The following VPS13C variants were observed in gnomAD, a reference collection of about 807,000 sequenced individuals.
The protein encoded by VPS13C is vacuolar protein sorting 13 homolog C, also known as intermembrane lipid transfer protein VPS13C.
In VPS13C, 358 loss-of-function variants were observed where a neutral mutation model predicts 456.8. The ratio of observed to expected loss-of-function variants is 0.78; its 90% CI spans 0.72 to 0.86. The LOEUF (loss-of-function observed/expected upper bound fraction) is 0.86. Ranked by LOEUF, VPS13C falls within the 40% of genes least tolerant of loss-of-function variation. VPS13C has a pLI of 0.00. For synonymous variants in VPS13C, 1,578 were observed against 1,486.7 expected, an observed-to-expected ratio of 1.06 and a Z score of -1.41; for missense variants, 4,818 against 4,385.4, an observed-to-expected ratio of 1.10 and a Z score of -2.79.
chr15:61,966,285 A>C (rs2045374304), intron 29 of VPS13C, 143 bp from the exon 30 acceptor site: 2 of 480,582 alleles, frequency 4.2e-6, no homozygotes, highest in African/African-American at 4.0e-5. Flanking sequence ...CATTATTTTA[A>C]ATTTACATCC....
Position 61,911,966 on chromosome 15 carries a change from T to C in VPS13C, c.8589A>G (p.Ser2863=). 1 of 1,611,030 alleles carries C rather than the reference T, an allele frequency of 6.2e-7. No homozygotes were observed. Among genetic ancestry groups the C allele is most frequent in the Non-Finnish European group, 8.5e-7 (1 of 1,178,480 alleles). ...AAAAGGGAGTCAGGGTAACTATTCG[T>C]GAAAGGTTGAAACTGCTCATTTTGA... ...VSIKMSSFNL[S]RIVTLTPFCT... is the part of the protein sequence containing the mutation. Residue 2863 remains serine, a synonymous_variant, in exon 63 of 85, where the codon TCA becomes TCG. Transcript: ENST00000644861.
At position 61,867,344 on chromosome 15, in the gene VPS13C, A is replaced by C; in HGVS notation, c.10863+1315T>G. The C allele has an allele frequency of 1.0e-6, 1 of 985,352 alleles. No homozygotes were observed. Among genetic ancestry groups the C allele is most frequent in the South Asian group, 4.7e-5 (1 of 21,292 alleles). 61.0% of individuals were successfully genotyped at this position (985,352 alleles called of 1,614,324 possible). Reference sequence around the variant, plus strand: ...TACCAAGGGGTTAAATAGGAAAAAGAGGGAAGAGGAAACATATCCTCAAAA... The same window carrying C: ...TACCAAGGGGTTAAATAGGAAAAAGCGGGAAGAGGAAACATATCCTCAAAA... On this transcript the variant is annotated intron_variant, in intron 81 of 84. Transcript: ENST00000644861. The surrounding 1 kb of genome is among the most constrained non-coding windows in gnomAD (Gnocchi z 5.0).
In VPS13C at chr15:61,867,738, A is replaced by T; in HGVS notation, c.10863+921T>A. 6.9e-7 allele frequency: 1 copy of T among 1,439,670 alleles called. No homozygotes were observed. The highest frequency in any genetic ancestry group is 9.1e-7 in the Non-Finnish European group (1 of 1,099,074). 89.2% of individuals were successfully genotyped at this position (1,439,670 alleles called of 1,614,324 possible). ...TTATACTAATCTCTTATTTCTGGAC[A>T]GTATTACCAGGAATACCACAAGTTT... On this transcript the variant is annotated intron_variant, in intron 81 of 84. Coordinates refer to ENST00000644861, the MANE Select transcript of VPS13C (RefSeq NM_020821.3). The surrounding 1 kb of genome is among the most constrained non-coding windows in gnomAD (Gnocchi z 5.0).
chr15:62,041,412 C>T (rs1474914339), intron 2 of VPS13C, 46 bp from the exon 3 acceptor site: 1 of 1,557,286 alleles, frequency 6.4e-7, no homozygotes, highest in East Asian at 2.3e-5. Context: ...AATTATGAAG[C>T]CAACCCAAAA....
At chr15:61,855,047 C>T (rs1478545045) in intron 83 of VPS13C, 93 bp from the exon 84 acceptor site, 1 of 1,012,954 alleles carries the variant, frequency 9.9e-7, no homozygotes, top group African/African-American at 1.6e-5. Flanking sequence ...TCAACTCTAT[C>T]TTATAACAAG....
chr15:61,977,050 A>G (rs1441190025), intron 24 of VPS13C, 32 bp downstream of exon 24: 4 of 1,472,096 alleles, frequency 2.7e-6, no homozygotes, highest in African/African-American at 1.4e-5. Flanking sequence ...TCACCTGTTG[A>G]TTTTCTAATA....
At chr15:62,007,287 A>C (rs773597042) in intron 15 of VPS13C, 21 bp downstream of exon 15, 1 of 1,537,838 alleles carries the variant, frequency 6.5e-7, no homozygotes, top group Non-Finnish European at 8.8e-7. Flanking sequence ...AATAGCTCTC[A>C]CTAATATATG....
chr15:61,973,611 A>AT (rs2045620452), intron 25 of VPS13C, 79 bp from the exon 26 acceptor site: 2 of 1,022,578 alleles, frequency 2.0e-6, no homozygotes, highest in Admixed American at 3.5e-5. Flanking sequence ...GAAGACTAAA[A>AT]AGTAATAGAG....
Position 61,920,293 on chromosome 15 carries a change from A to AG in VPS13C, c.7250dup (p.Leu2418PhefsTer18). 2.5e-6 allele frequency: 4 copies of AG among 1,610,816 alleles called. No homozygotes were observed. The highest frequency in any genetic ancestry group is 3.4e-6 in the Non-Finnish European group (4 of 1,177,696). On this transcript the variant is annotated frameshift_variant, in exon 57 of 85. Coordinates refer to ENST00000644861, the MANE Select transcript of VPS13C (RefSeq NM_020821.3). LOFTEE classifies it high-confidence loss of function. ...CCGTAAAAGGAGCTCTGTCCTTTAAAGAGTAGTCAAAAGTAGAAGCAGTGC... is the reference window on the plus strand; with the variant it reads ...CCGTAAAAGGAGCTCTGTCCTTTAAAGGAGTAGTCAAAAGTAGAAGCAGTGC...
chr15:61,898,649 T>C (rs1294173584), intron 66 of VPS13C, among the ~76,000 whole-genome samples: 1 of 144,310 alleles, frequency 6.9e-6, no homozygotes, highest in Non-Finnish European at 1.5e-5. Flanking sequence ...CACACATTAA[T>C]AATGGGAGAC....
intron 18 of VPS13C, among the ~76,000 whole-genome samples, chr15:61,988,539 A>G (rs1432576503): frequency 6.6e-6 from 1 of 152,268 alleles, no homozygotes; most frequent in Non-Finnish European, 1.5e-5. Context: ...TAATTTATAG[A>G]GTCAATAAAA....
chr15:62,028,575 G>A (rs142707268), intron 5 of VPS13C, among the ~76,000 whole-genome samples, 155 bp from the exon 6 acceptor site: 307 of 152,090 alleles, frequency 2.0e-3, no homozygotes, highest in African/African-American at 6.9e-3. Context: ...TTTTATTTCT[G>A]AGGAAATATT....
At chr15:61,948,908 C>T (rs2044694809) in intron 42 of VPS13C, among the ~76,000 whole-genome samples, 1 of 152,114 alleles carries the variant, frequency 6.6e-6, no homozygotes, top group Non-Finnish European at 1.5e-5. Context: ...ATATGTCATA[C>T]CTAATTTTTC....
chr15:61,915,554 T>G (rs1459611974), intron 61 of VPS13C, 79 bp downstream of exon 61: 1 of 1,416,660 alleles, frequency 7.1e-7, no homozygotes, highest in Non-Finnish European at 9.4e-7. Flanking sequence ...TTAGCATGGT[T>G]TTAGGGAAGA....
chr15:61,997,011 ATG>A (rs1555437504), intron 16 of VPS13C, among the ~76,000 whole-genome samples: 11 of 150,578 alleles, frequency 7.3e-5, no homozygotes, highest in African/African-American at 2.7e-4. Context: ...ATATATATAT[ATG>A]TATAGAATAT....
chr15:62,015,369 T>C (rs1389416074), intron 9 of VPS13C, among the ~76,000 whole-genome samples: 2 of 152,092 alleles, frequency 1.3e-5, no homozygotes, highest in African/African-American at 2.4e-5. Flanking sequence ...TTAGATCCCA[T>C]TTGTCAATTT....
chr15:61,925,584 A>T lies in VPS13C; in HGVS notation c.6517-36T>A, dbSNP rs1475818162. 2.8e-6 allele frequency: 4 copies of T among 1,436,462 alleles called. No homozygotes were observed. In the Admixed American group the frequency reaches 6.2e-5, roughly 22 times the overall value. 89.0% of individuals were successfully genotyped at this position (1,436,462 alleles called of 1,614,324 possible). A position where few individuals can be genotyped will look rare whatever the true frequency, so the allele number is the denominator to read the frequency against. On this transcript the variant is annotated intron_variant, in intron 52 of 84. Transcript: ENST00000644861. The stretch of plus-strand genomic sequence containing the variant: ...ATAAATGAAATTCACATTTCCATAG[A>T]TCCATTATATACATAACACACACTT...
chr15:61,939,240 A>G (rs920952880), intron 47 of VPS13C, among the ~76,000 whole-genome samples: 3 of 152,236 alleles, frequency 2.0e-5, no homozygotes, highest in Non-Finnish European at 2.9e-5. Context: ...AGAGCCAAAT[A>G]TTAGTCCTGG....
rs2044821796 is a variant in VPS13C at position 61,952,129 on chromosome 15, T to TTAAAGAGGCA, written c.4300-150_4300-149insTGCCTCTTTA. ...TTCTATTTGTGCCTGCAGTTTGGCA[T>TTAAAGAGGCA]GATTCCCAGAACTCCTAGTCTGATG... is the stretch of plus-strand genomic sequence containing the variant. On this transcript the variant is annotated intron_variant, in intron 38 of 84. Coordinates refer to ENST00000644861, the MANE Select transcript of VPS13C (RefSeq NM_020821.3). 4 of 981,706 alleles carry TTAAAGAGGCA rather than the reference T, an allele frequency of 4.1e-6. No homozygotes were observed. In the South Asian group the frequency reaches 9.0e-5, roughly 22 times the overall value. 60.8% of individuals were successfully genotyped at this position (981,706 alleles called of 1,614,324 possible).
Sources: allele counts gnomAD v4.1 joint callset (sites outside exome capture counted in the v4.1 genomes callset), GRCh38; gene constraint gnomAD v4.1.1; non-coding constraint Gnocchi (gnomAD v3.1); transcripts MANE v1.5; gene names NCBI Gene and HGNC (gene_info 2026-07-23, HGNC 2026-07-21).